The following TAF3 variants were observed in gnomAD, a reference collection of about 807,000 sequenced individuals.
TAF3 encodes the protein TATA-box binding protein associated factor 3.
TAF3 carries 7 observed loss-of-function variants against 80.6 expected under a neutral mutation model. That is an observed-to-expected ratio of 0.09 (90% CI 0.05 to 0.16). TAF3 has a LOEUF of 0.16. TAF3 is among the 10% of genes least tolerant of loss of function. The probability of loss-of-function intolerance (pLI) is 1.00; values close to 1 mark genes in which losing one functional copy is unlikely to be tolerated. For missense variants in TAF3, 921 were observed against 1,140.2 expected, an observed-to-expected ratio of 0.81 and a Z score of 2.77; for synonymous variants, 444 against 446.1, an observed-to-expected ratio of 1.00 and a Z score of 0.06.
At chr10:7,842,700 A>G (rs573070253) in intron 2 of TAF3, among the ~76,000 whole-genome samples, 1 of 152,304 alleles carries the variant, frequency 6.6e-6, no homozygotes, top group South Asian at 2.1e-4. Context: ...CTTTCTCCCC[A>G]ATAAGATATA....
In TAF3 at chr10:7,966,709, T is replaced by C. The variant is rs898822397; in HGVS notation, c.2232+967T>C. Among the ~76,000 whole-genome samples the C allele has an allele frequency of 3.3e-5, 5 of 152,354 alleles. No individual in the cohort carries two copies. In the East Asian group the frequency reaches 9.6e-4, roughly 29 times the overall value. ...GTTTTGTTCATATGATAAAATTTGA[T>C]GTATTTGACCTGCAGCAGATATATT... On this transcript the variant is annotated intron_variant, in intron 3 of 6. Coordinates refer to ENST00000344293, the MANE Select transcript of TAF3 (RefSeq NM_031923.4).
intron 2 of TAF3, among the ~76,000 whole-genome samples, chr10:7,961,815 A>G (rs1831502176): frequency 6.6e-6 from 1 of 151,810 alleles, no homozygotes; most frequent in South Asian, 2.1e-4. Flanking sequence ...GTTCATCACT[A>G]CATTTATCAC....
At chr10:7,822,537 T>C (rs1346209117) in intron 1 of TAF3, among the ~76,000 whole-genome samples, 2 of 152,212 alleles carry the variant, frequency 1.3e-5, no homozygotes, top group East Asian at 3.9e-4. Flanking sequence ...GAAGTCAGTC[T>C]CCTGCTTCCA....
At chr10:7,872,108 T>A (rs1307591631) in intron 2 of TAF3, among the ~76,000 whole-genome samples, 2 of 152,138 alleles carry the variant, frequency 1.3e-5, no homozygotes, top group African/African-American at 4.8e-5. Flanking sequence ...ATAATTAAAG[T>A]TTGTTCTTCC....
intron 2 of TAF3, among the ~76,000 whole-genome samples, chr10:7,932,536 G>A (rs1180695302): frequency 2.6e-5 from 4 of 152,112 alleles, no homozygotes; most frequent in Non-Finnish European, 5.9e-5. Flanking sequence ...TGAGTAACCA[G>A]AATCACCAGT....
At chr10:7,946,839 C>CT (rs990522758) in intron 2 of TAF3, among the ~76,000 whole-genome samples, 11 of 152,302 alleles carry the variant, frequency 7.2e-5, no homozygotes, top group Non-Finnish European at 8.8e-5. Context: ...ATTATAACAA[C>CT]TTTTTTTGTA....
intron 4 of TAF3, among the ~76,000 whole-genome samples, chr10:8,002,094 C>T (rs1333228698): frequency 1.3e-5 from 2 of 152,104 alleles, no homozygotes. Flanking sequence ...CTTATTTTTG[C>T]CTGCAGTCAT....
At chr10:7,879,018 G>A (rs777217239) in intron 2 of TAF3, among the ~76,000 whole-genome samples, 19 of 152,174 alleles carry the variant, frequency 1.2e-4, no homozygotes, top group Non-Finnish European at 2.5e-4. Flanking sequence ...ATAAGTCACC[G>A]CGCCTGGCAA....
intron 2 of TAF3, among the ~76,000 whole-genome samples, chr10:7,952,671 C>T (rs918662123): frequency 2.0e-5 from 3 of 152,166 alleles, no homozygotes; most frequent in Non-Finnish European, 2.9e-5. Context: ...TACTTTTTTA[C>T]AGGTCACTGT....
At chr10:7,850,676 A>G (rs1837018110) in intron 2 of TAF3, among the ~76,000 whole-genome samples, 1 of 109,762 alleles carries the variant, frequency 9.1e-6, no homozygotes, top group South Asian at 2.8e-4. Flanking sequence ...CTCCATCTCA[A>G]AAAAAAAAAA....
chr10:7,824,737 C>T (rs1042390760), intron 2 of TAF3, among the ~76,000 whole-genome samples, 177 bp downstream of exon 2: 7 of 152,122 alleles, frequency 4.6e-5, no homozygotes, highest in Admixed American at 2.6e-4. Context: ...ATTACCAAGC[C>T]GAGTCACGGT....
At chr10:7,990,230 A>G (rs1831821281) in intron 4 of TAF3, among the ~76,000 whole-genome samples, 1 of 152,172 alleles carries the variant, frequency 6.6e-6, no homozygotes, top group African/African-American at 2.4e-5. Flanking sequence ...GAGAGTCGCT[A>G]ATGCCATTAG....
At chr10:7,927,096 G>A (rs1472845631) in intron 2 of TAF3, among the ~76,000 whole-genome samples, 1 of 152,122 alleles carries the variant, frequency 6.6e-6, no homozygotes, top group African/African-American at 2.4e-5. Flanking sequence ...AACAAGCACT[G>A]GTCATGCCCA....
chr10:7,916,694 C>G (rs924698299), intron 2 of TAF3, among the ~76,000 whole-genome samples: 5 of 152,064 alleles, frequency 3.3e-5, no homozygotes, highest in African/African-American at 1.2e-4. Flanking sequence ...TTTAGCACAA[C>G]TTGATATTTA....
intron 2 of TAF3, among the ~76,000 whole-genome samples, chr10:7,839,096 G>A (rs1836884300): frequency 6.6e-6 from 1 of 151,852 alleles, no homozygotes; most frequent in Non-Finnish European, 1.5e-5. Flanking sequence ...TGACATGTTA[G>A]TTACTTGCCC....
At chr10:7,870,420 T>A (rs889944823) in intron 2 of TAF3, among the ~76,000 whole-genome samples, 1 of 152,256 alleles carries the variant, frequency 6.6e-6, no homozygotes, top group Non-Finnish European at 1.5e-5. Flanking sequence ...CTTTTGTTTC[T>A]TTTCTTCCAG....
intron 2 of TAF3, among the ~76,000 whole-genome samples, chr10:7,936,770 A>G (rs2131202444): frequency 6.6e-6 from 1 of 152,274 alleles, no homozygotes. Context: ...AAAGACATGT[A>G]TCTACCATTG....
chr10:7,838,359 G>GTTTT (rs200412133), intron 2 of TAF3, among the ~76,000 whole-genome samples: 1 of 121,474 alleles, frequency 8.2e-6, no homozygotes, highest in African/African-American at 2.9e-5. Context: ...AGCCAGTTTT[G>GTTTT]TTTTTTTTTG....
At chr10:7,999,437 AAG>A (rs1431101265) in intron 4 of TAF3, among the ~76,000 whole-genome samples, 2 of 149,166 alleles carry the variant, frequency 1.3e-5, no homozygotes, top group African/African-American at 5.0e-5. Flanking sequence ...AAAAAAAAAA[AAG>A]AAAGAAAGAA....
Sources: allele counts gnomAD v4.1 joint callset (sites outside exome capture counted in the v4.1 genomes callset), GRCh38; gene constraint gnomAD v4.1.1; transcripts MANE v1.5; gene names NCBI Gene and HGNC (gene_info 2026-07-23, HGNC 2026-07-21).